Variants in MPDZ observed in about 807,000 individuals in gnomAD.
MPDZ encodes multiple PDZ domain protein.
A neutral mutation model predicts 239.1 loss-of-function variants in MPDZ; 234 were observed. The observed-to-expected ratio is 0.98, with a 90% CI of 0.88 to 1.09. The LOEUF is 1.09. Among genes scored for constraint, MPDZ ranks in the 50% least tolerant of loss-of-function variants. The pLI is 0.00. For synonymous variants in MPDZ, 1,048 were observed against 881.3 expected, an observed-to-expected ratio of 1.19 and a Z score of -3.35; for missense variants, 3,175 against 2,510.0, an observed-to-expected ratio of 1.26 and a Z score of -5.66.
Position 13,106,829 on chromosome 9 carries a change from G to T in MPDZ, c.*136C>A. ...GGAAAGCATTTCTAGATGAGAAAAA[G>T]AAACTTAAGTGTTATTTCCCCCCTA... is the stretch of plus-strand genomic sequence containing the variant. On this transcript the variant is annotated 3_prime_UTR_variant, in exon 47 of 47. Coordinates refer to ENST00000319217, the MANE Select transcript of MPDZ (RefSeq NM_001378778.1). 1 of 927,432 alleles carries T rather than the reference G, an allele frequency of 1.1e-6. No homozygotes were observed. The highest frequency in any genetic ancestry group is 2.4e-5 in the Admixed American group (1 of 40,838). The allele number at this position is 927,432 out of a possible 1,614,324, so 57.5% of individuals were successfully genotyped here. A position where few individuals can be genotyped will look rare whatever the true frequency, so the allele number is the denominator to read the frequency against.
intron 1 of MPDZ, among the ~76,000 whole-genome samples, chr9:13,275,038 G>T (rs1371236087): frequency 6.6e-6 from 1 of 152,214 alleles, no homozygotes; most frequent in Non-Finnish European, 1.5e-5. Flanking sequence ...AAATACCTTT[G>T]TCCTCAAATA....
chr9:13,266,819 A>G (rs982810876), intron 1 of MPDZ, among the ~76,000 whole-genome samples: 28 of 152,322 alleles, frequency 1.8e-4, no homozygotes, highest in African/African-American at 6.7e-4. Context: ...TCAGCTACTC[A>G]AGGATTTGGG....
chr9:13,112,659 T>G (rs1241509786), intron 42 of MPDZ, among the ~76,000 whole-genome samples: 2 of 152,196 alleles, frequency 1.3e-5, no homozygotes, highest in African/African-American at 4.8e-5. Flanking sequence ...CACAGCTGCT[T>G]TTACTTTGTC....
Position 13,272,474 on chromosome 9 carries a change from G to A in MPDZ, c.-58+6926C>T, listed in dbSNP as rs533495862. Among the ~76,000 whole-genome samples the A allele has an allele frequency of 2.6e-5, 4 of 152,176 alleles. No homozygotes were observed. The South Asian group carries it at 8.3e-4, about 32-fold the overall frequency. The stretch of plus-strand genomic sequence containing the variant: ...CAGCATAGGATAACTGCATTTCCTA[G>A]CCCAGAAAACTGTGAATGTGATGGG... On this transcript the variant is annotated intron_variant, in intron 1 of 46. Transcript: ENST00000319217.
intron 43 of MPDZ, among the ~76,000 whole-genome samples, chr9:13,111,349 T>C (rs543934964): frequency 1.4e-4 from 21 of 152,310 alleles, no homozygotes; most frequent in African/African-American, 4.6e-4. Flanking sequence ...AGCCATAAAT[T>C]TGGATATCAA....
intron 19 of MPDZ, among the ~76,000 whole-genome samples, chr9:13,181,524 G>C (rs1261022543): frequency 6.6e-6 from 1 of 152,130 alleles, no homozygotes; most frequent in African/African-American, 2.4e-5. Flanking sequence ...GCACACAGGA[G>C]TTTCACAATG....
chr9:13,156,022 T>C (rs781778816), intron 24 of MPDZ, among the ~76,000 whole-genome samples: 11 of 152,180 alleles, frequency 7.2e-5, no homozygotes, highest in Non-Finnish European at 1.3e-4. Context: ...TTCTTTCTCA[T>C]AAGAAAATTT....
Position 13,113,023 on chromosome 9 carries a change from G to C in MPDZ, c.5589C>G (p.Val1863=), listed in dbSNP as rs375001551. Residue 1863 remains valine, a synonymous_variant, in exon 42 of 47, where the codon GTC becomes GTG. Transcript: ENST00000319217. ...CTCCCCAAGTTACCTTTTTCATTTC[G>C]ACTGTTCTTAATCCCTGTATTTCAG... ...LASEIQGLRT[V]EMKKGPTDSL... is the part of the protein sequence containing the mutation. 83 of 1,585,290 alleles carry C rather than the reference G, an allele frequency of 5.2e-5. No homozygotes were observed. The highest frequency in any genetic ancestry group is 7.0e-5 in the Non-Finnish European group (81 of 1,163,638).
At chr9:13,139,499 A>C (rs1328070001) in intron 28 of MPDZ, among the ~76,000 whole-genome samples, 1 of 152,212 alleles carries the variant, frequency 6.6e-6, no homozygotes, top group Non-Finnish European at 1.5e-5. Flanking sequence ...AAGAGAGATA[A>C]CCACTAGGCT....
chr9:13,129,823 A>T (rs1945690958), intron 32 of MPDZ, among the ~76,000 whole-genome samples: 1 of 152,138 alleles, frequency 6.6e-6, no homozygotes, highest in South Asian at 2.1e-4. Context: ...AATAGCTGGG[A>T]CTACAGGCAT....
At chr9:13,221,672 G>GT (rs773131265) in intron 6 of MPDZ, among the ~76,000 whole-genome samples, 172 bp from the exon 7 acceptor site, 1 of 151,930 alleles carries the variant, frequency 6.6e-6, no homozygotes, top group Non-Finnish European at 1.5e-5. Context: ...TCAACAGAAT[G>GT]TAAGTGCCAT....
Position 13,196,347 on chromosome 9 carries a change from A to C in MPDZ, c.1547-117T>G, listed in dbSNP as rs1955645279. The C allele has an allele frequency of 1.2e-5, 7 of 588,242 alleles. No homozygotes were observed. In the Admixed American group the frequency reaches 1.5e-4, roughly 13 times the overall value. 36.4% of individuals were successfully genotyped at this position (588,242 alleles called of 1,614,324 possible). A position where few individuals can be genotyped will look rare whatever the true frequency, so the allele number is the denominator to read the frequency against. ...CTGTATCACGTCAGACTCTTCGCCC[A>C]ATATATGGGCTATTCTCATCTCCAT... is the stretch of plus-strand genomic sequence containing the variant. On this transcript the variant is annotated intron_variant, in intron 12 of 46. Transcript: ENST00000319217.
At chr9:13,167,766 C>T (rs897500784) in intron 22 of MPDZ, among the ~76,000 whole-genome samples, 1 of 152,076 alleles carries the variant, frequency 6.6e-6, no homozygotes, top group Admixed American at 6.6e-5. Context: ...AAACAAACCA[C>T]ATATATGATG....
chr9:13,143,942 T>G (rs1421708840), intron 26 of MPDZ, among the ~76,000 whole-genome samples: 1 of 152,118 alleles, frequency 6.6e-6, no homozygotes, highest in Non-Finnish European at 1.5e-5. Flanking sequence ...ACAAAATTTT[T>G]TATCTACATC....
At chr9:13,154,843 A>C (rs958553994) in intron 24 of MPDZ, among the ~76,000 whole-genome samples, 1 of 152,154 alleles carries the variant, frequency 6.6e-6, no homozygotes, top group Admixed American at 6.6e-5. Context: ...ATTGACAAAA[A>C]ACTTTTTAAA....
intron 1 of MPDZ, among the ~76,000 whole-genome samples, chr9:13,278,470 A>C (rs1974760235): frequency 6.6e-6 from 1 of 152,094 alleles, no homozygotes; most frequent in Admixed American, 6.5e-5. Context: ...TTTCCATGTG[A>C]CTGCAGGCAA....
chr9:13,207,634 G>A (rs754758555), intron 10 of MPDZ, among the ~76,000 whole-genome samples: 4 of 152,092 alleles, frequency 2.6e-5, no homozygotes, highest in Non-Finnish European at 5.9e-5. Flanking sequence ...TTTGACTGCC[G>A]TCAAAGCCCC....
intron 3 of MPDZ, among the ~76,000 whole-genome samples, chr9:13,228,404 T>C (rs1389907583): frequency 6.6e-6 from 1 of 152,142 alleles, no homozygotes; most frequent in Non-Finnish European, 1.5e-5. Context: ...ACCTTCTAAG[T>C]ATTTAAAAGT....
intron 21 of MPDZ, among the ~76,000 whole-genome samples, chr9:13,173,397 C>T (rs758687859): frequency 1.3e-5 from 2 of 152,048 alleles, no homozygotes; most frequent in Admixed American, 6.6e-5. Context: ...AGCATTCTTA[C>T]AATTAATTAA....
Sources: allele counts gnomAD v4.1 joint callset (sites outside exome capture counted in the v4.1 genomes callset), GRCh38; gene constraint gnomAD v4.1.1; transcripts MANE v1.5; gene names NCBI Gene and HGNC (gene_info 2026-07-23, HGNC 2026-07-21).